ALS2: variants seen among roughly 807,000 people sequenced by gnomAD.
The protein encoded by ALS2 is alsin.
Under a neutral mutation model 203.4 loss-of-function variants are expected in ALS2, and 117 were observed. That is an observed-to-expected ratio of 0.58 (90% CI 0.50 to 0.67). The LOEUF (loss-of-function observed/expected upper bound fraction) is 0.67, where lower values mean the gene tolerates loss of function less well. Among genes scored for constraint, ALS2 ranks in the 30% least tolerant of loss-of-function variants. The probability of loss-of-function intolerance (pLI) is 0.00; values close to 1 mark genes in which losing one functional copy is unlikely to be tolerated. For synonymous variants in ALS2, 718 were observed against 725.9 expected (o/e 0.99, Z 0.17); for missense variants, 1,715 against 1,989.4 (o/e 0.86, Z 2.62).
chr2:201,708,081 A>C (rs1170860954), intron 27 of ALS2, 90 bp from the exon 28 acceptor site: 8 of 1,250,814 alleles, frequency 6.4e-6, no homozygotes, highest in Non-Finnish European at 9.1e-6. Context: ...TATGAGAGCA[A>C]GCTTTATTAT....
chr2:201,751,203 T>A (rs1467235330), intron 7 of ALS2, among the ~76,000 whole-genome samples: 1 of 152,196 alleles, frequency 6.6e-6, no homozygotes, highest in Non-Finnish European at 1.5e-5. Context: ...AATACATATA[T>A]TCATGTATCT....
rs1007411741 is a variant in ALS2, at chr2:201,700,499, T to C, written c.*1352A>G. 4 of 152,678 alleles carry C rather than the reference T, an allele frequency of 2.6e-5. No individual in the cohort carries two copies. The highest frequency in any genetic ancestry group is 5.9e-5 in the Non-Finnish European group (4 of 68,044). 9.5% of individuals were successfully genotyped at this position (152,678 alleles called of 1,614,324 possible). On this transcript the variant is annotated 3_prime_UTR_variant, in exon 34 of 34. Transcript: ENST00000264276. Reference sequence around the variant, plus strand: ...AAAGAAATACTAAGTCTGGGTTTCCTTTCATCTTTTAGGCTGCCCTGTTCA... The same window carrying C: ...AAAGAAATACTAAGTCTGGGTTTCCCTTCATCTTTTAGGCTGCCCTGTTCA...
rs778121682 is a variant in ALS2, at chr2:201,724,452, A to G, written c.3355T>C (p.Ser1119Pro). ...MCGQGVYSYA[S>P]GEVFEGCFQD... ...AAACAGCCCTCAAATACTTCACCAG[A>G]AGCATAGCTGTGGTTGGAAAGAATG... is the stretch of plus-strand genomic sequence containing the variant. The change falls in exon 21 of 34, where the codon TCT becomes CCT. Residue 1119 changes from serine to proline, a missense_variant. Around this residue, in one of 3 missense-constraint regions of ALS2, gnomAD observed 1,227 missense variants for 1,413.5 expected, o/e 0.87. Transcript: ENST00000264276. 1.2e-6 allele frequency: 2 copies of G among 1,614,034 alleles called. No individual in the cohort carries two copies. Among genetic ancestry groups the G allele is most frequent in the South Asian group, 2.2e-5 (2 of 91,082 alleles).
chr2:201,713,208 C>T lies in ALS2; in HGVS notation c.4005-2100G>A, dbSNP rs571156484. Among the ~76,000 whole-genome samples, 58 of 138,258 alleles carry T rather than the reference C, an allele frequency of 4.2e-4. 2 individuals carry two copies. The South Asian group carries it at 0.013, about 31-fold the overall frequency. The allele number at this position is 138,258 out of a possible 152,430, so 90.7% of individuals were successfully genotyped here. A position where few individuals can be genotyped will look rare whatever the true frequency, so the allele number is the denominator to read the frequency against. ...CTGGAGTGCAATGGCGCTATCTCGG[C>T]TCACTGCAACCTCCACCTTCCGAGT... On this transcript the variant is annotated intron_variant, in intron 25 of 33. Transcript: ENST00000264276.
At chr2:201,717,493 AG>A (rs1690478858) in intron 24 of ALS2, among the ~76,000 whole-genome samples, 2 of 151,544 alleles carry the variant, frequency 1.3e-5, no homozygotes, top group South Asian at 2.1e-4. Context: ...AAAAAAAAAA[AG>A]AACACTCTCT....
Position 201,707,157 on chromosome 2 carries a change from C to T in ALS2, c.4404-135G>A, listed in dbSNP as rs186208346. On this transcript the variant is annotated intron_variant, in intron 28 of 33. Coordinates refer to ENST00000264276, the MANE Select transcript of ALS2 (RefSeq NM_020919.4). ...TTAAAGAAGTTATAATATTACTCTG[C>T]TCTTTACATATGGAGTTGATATGAG... 5 of 772,486 alleles carry T rather than the reference C, an allele frequency of 6.5e-6. No individual in the cohort carries two copies. The East Asian group carries it at 1.3e-4, about 21-fold the overall frequency. The allele number at this position is 772,486 out of a possible 1,614,324, so 47.9% of individuals were successfully genotyped here. A position where few individuals can be genotyped will look rare whatever the true frequency, so the allele number is the denominator to read the frequency against.
At position 201,724,286 on chromosome 2, in the gene ALS2, A is replaced by G; in HGVS notation, c.3512+9T>C. 1 of 1,611,832 alleles carries G rather than the reference A, an allele frequency of 6.2e-7. No individual in the cohort carries two copies. The highest frequency in any genetic ancestry group is 1.1e-5 in the South Asian group (1 of 91,040). On this transcript the variant is annotated intron_variant, in intron 21 of 33. Transcript: ENST00000264276. ...CTTAAACTGTGGGAATAGAAGGAGA[A>G]TACTGTACCTAGTGATATCATCAAA...
In ALS2 at chr2:201,704,112, C is replaced by T. The variant is rs1041450924; in HGVS notation, c.4935+10G>A. The T allele has an allele frequency of 1.9e-6, 3 of 1,591,698 alleles. No individual in the cohort carries two copies. The highest frequency in any genetic ancestry group is 1.3e-5 in the African/African-American group (1 of 74,584). On this transcript the variant is annotated intron_variant, in intron 33 of 33. Transcript: ENST00000264276. Reference sequence around the variant, plus strand: ...AAGATAAGAAAGTATTAAATAATAACTATACTCACCTTCAAGGTGGTGAAC... The same window carrying T: ...AAGATAAGAAAGTATTAAATAATAATTATACTCACCTTCAAGGTGGTGAAC...
intron 4 of ALS2, among the ~76,000 whole-genome samples, chr2:201,758,759 C>CGCGTGTGTGTGT (rs74613232): frequency 7.6e-6 from 1 of 132,004 alleles, no homozygotes; most frequent in Non-Finnish European, 1.6e-5. Flanking sequence ...TGTGTGTGCG[C>CGCGTGTGTGTGT]ATGTGTGTGT....
In ALS2 at chr2:201,767,306, T is replaced by G. The variant is rs776705948; in HGVS notation, c.98A>C (p.Glu33Ala). The G allele has an allele frequency of 6.2e-7, 1 of 1,613,956 alleles. No homozygotes were observed. The highest frequency in any genetic ancestry group is 1.1e-5 in the South Asian group (1 of 91,058). ...CTTTCCTCCCCAGCCTGGCAATCTCTCTGGTGTTATGGGAAAGGATCCTGC... is the reference window on the plus strand; with the variant it reads ...CTTTCCTCCCCAGCCTGGCAATCTCGCTGGTGTTATGGGAAAGGATCCTGC... Reference protein sequence around the residue: ...WQAGSFPITPERLPGWGGKTV... With the variant: ...WQAGSFPITPARLPGWGGKTV... Residue 33 changes from glutamate (E) to alanine (A), a missense_variant, in exon 3 of 34, where the codon GAG becomes GCG. By Grantham distance (107) the Glu-to-Ala change is moderately radical. Transcript: ENST00000264276.
intron 7 of ALS2, among the ~76,000 whole-genome samples, chr2:201,750,796 C>T (rs1037919006): frequency 2.0e-4 from 31 of 151,986 alleles, no homozygotes; most frequent in African/African-American, 7.2e-4. Flanking sequence ...CTATCTAGAA[C>T]TCTACTGTGC....
intron 6 of ALS2, 104 bp downstream of exon 6, chr2:201,754,399 G>A: frequency 7.3e-7 from 1 of 1,375,984 alleles, no homozygotes; most frequent in Non-Finnish European, 1.0e-6. Flanking sequence ...GAAGCTAGAA[G>A]AGCCCAGATT....
At chr2:201,732,578 AAAC>A (rs1165739449) in intron 13 of ALS2, among the ~76,000 whole-genome samples, 80 of 152,052 alleles carry the variant, frequency 5.3e-4, no homozygotes, top group Middle Eastern at 3.4e-3. Flanking sequence ...AAAAACAAAC[AAAC>A]AACAACAACA....
At chr2:201,759,754 T>C in intron 4 of ALS2, 2 of 985,066 alleles carry the variant, frequency 2.0e-6, no homozygotes. Context: ...TCTGACAGAG[T>C]AAACAATAAG....
intron 4 of ALS2, among the ~76,000 whole-genome samples, chr2:201,758,760 A>ATGTGTCTGTG (rs1553514688): frequency 6.6e-6 from 1 of 150,628 alleles, no homozygotes; most frequent in African/African-American, 2.5e-5. Context: ...GTGTGTGCGC[A>ATGTGTCTGTG]TGTGTGTGTG....
intron 12 of ALS2, among the ~76,000 whole-genome samples, chr2:201,736,539 C>G (rs1691886655): frequency 6.6e-6 from 1 of 151,656 alleles, no homozygotes; most frequent in Admixed American, 6.6e-5. Flanking sequence ...GAACCAAGTG[C>G]TAAACTAGAA....
chr2:201,766,299 T>C (rs1410151072), intron 3 of ALS2, among the ~76,000 whole-genome samples: 1 of 152,186 alleles, frequency 6.6e-6, no homozygotes, highest in African/African-American at 2.4e-5. Flanking sequence ...TAAGAACTAA[T>C]CTGATTCCTG....
chr2:201,715,865 T>C (rs775636695), intron 24 of ALS2, 26 bp from the exon 25 acceptor site: 3 of 1,613,902 alleles, frequency 1.9e-6, no homozygotes, highest in Non-Finnish European at 2.5e-6. Context: ...CAACCTTTTA[T>C]TAATCATTTC....
intron 23 of ALS2, among the ~76,000 whole-genome samples, chr2:201,720,629 G>A (rs912053904): frequency 6.6e-6 from 1 of 151,444 alleles, no homozygotes. Context: ...AGGGAGGATC[G>A]CTTGAGCCCA....
Sources: gnomAD v4.1 joint callset for allele counts (sites outside exome capture counted in the v4.1 genomes callset) on GRCh38, gnomAD v4.1.1 for gene constraint, gnomAD v4.1.1 regional missense constraint, MANE v1.5 for transcripts, NCBI Gene and HGNC (gene_info 2026-07-23, HGNC 2026-07-21) for gene names.